Variants in ADGB observed in about 807,000 individuals in gnomAD.
ADGB encodes androglobin, also known as calpain-7-like protein.
ADGB carries 172 observed loss-of-function variants against 210.5 expected under a neutral mutation model. That is an observed-to-expected ratio of 0.82 (90% confidence interval 0.72 to 0.93). The LOEUF (loss-of-function observed/expected upper bound fraction) is 0.93. ADGB is among the 40% of genes least tolerant of loss of function. The probability of loss-of-function intolerance (pLI) is 0.00; values close to 1 mark genes in which losing one functional copy is unlikely to be tolerated. For missense variants in ADGB, 2,025 were observed against 1,964.8 expected, an observed-to-expected ratio of 1.03 and a Z score of -0.58; for synonymous variants, 658 against 662.7, an observed-to-expected ratio of 0.99 and a Z score of 0.11.
chr6:146,743,972 T>C (rs1777194063), intron 25 of ADGB, among the ~76,000 whole-genome samples: 1 of 152,126 alleles, frequency 6.6e-6, no homozygotes, highest in African/African-American at 2.4e-5. Context: ...GCTGTGTGAA[T>C]AGAAAAAGAG....
chr6:146,615,903 A>C (rs548959292), intron 1 of ADGB, among the ~76,000 whole-genome samples: 2 of 152,278 alleles, frequency 1.3e-5, no homozygotes, highest in African/African-American at 4.8e-5. Flanking sequence ...TGATATACTG[A>C]CTTCATTTCC....
intron 17 of ADGB, among the ~76,000 whole-genome samples, chr6:146,722,216 C>T (rs1299006442): frequency 5.9e-5 from 9 of 152,058 alleles, no homozygotes; most frequent in African/African-American, 1.9e-4. Flanking sequence ...TTTAAGTTTA[C>T]CAATTTGGGC....
intron 1 of ADGB, among the ~76,000 whole-genome samples, chr6:146,621,515 A>G (rs1222619441): frequency 6.6e-6 from 1 of 152,164 alleles, no homozygotes; most frequent in Non-Finnish European, 1.5e-5. Context: ...CCACAGGTCT[A>G]GAGAAATCCT....
intron 32 of ADGB, among the ~76,000 whole-genome samples, chr6:146,786,192 A>G (rs1227314581): frequency 6.8e-6 from 1 of 147,906 alleles, no homozygotes; most frequent in Non-Finnish European, 1.5e-5. Flanking sequence ...AGTATATATT[A>G]TATTATATAT....
chr6:146,628,100 T>G (rs918802084), intron 1 of ADGB, among the ~76,000 whole-genome samples: 1 of 152,242 alleles, frequency 6.6e-6, no homozygotes, highest in Non-Finnish European at 1.5e-5. Context: ...TTTTTAAATA[T>G]TAAGATGATA....
chr6:146,758,212 A>C (rs1274237590), intron 27 of ADGB, among the ~76,000 whole-genome samples: 1 of 152,054 alleles, frequency 6.6e-6, no homozygotes, highest in East Asian at 1.9e-4. Flanking sequence ...TTTATCAGAC[A>C]TGTTTTGTCA....
intron 27 of ADGB, 119 bp from the exon 28 acceptor site, chr6:146,763,782 T>C (rs1289896747): frequency 1.9e-5 from 18 of 939,916 alleles, no homozygotes; most frequent in Non-Finnish European, 2.6e-5. Context: ...TTTATCTCAC[T>C]AAAACAAAAG....
chr6:146,610,563 G>A (rs1206779061), intron 1 of ADGB, among the ~76,000 whole-genome samples: 3 of 152,156 alleles, frequency 2.0e-5, no homozygotes, highest in East Asian at 1.9e-4. Flanking sequence ...CATAGTATAA[G>A]TTGAATTTAG....
intron 35 of ADGB, chr6:146,803,780 C>T (rs1046595547): frequency 1.6e-6 from 1 of 617,188 alleles, no homozygotes; most frequent in African/African-American, 1.9e-5. Context: ...CAATCAGCGC[C>T]CGGCAGCCTA....
At chr6:146,630,662 A>G (rs1750042140) in intron 1 of ADGB, among the ~76,000 whole-genome samples, 1 of 152,198 alleles carries the variant, frequency 6.6e-6, no homozygotes. Context: ...AGTCTTAAAA[A>G]ATTGGAATCT....
chr6:146,644,355 T>A (rs1191369170), intron 2 of ADGB, among the ~76,000 whole-genome samples: 1 of 151,968 alleles, frequency 6.6e-6, no homozygotes, highest in East Asian at 1.9e-4. Flanking sequence ...TGTTTATGAT[T>A]CTTACAGTTG....
At chr6:146,649,297 T>C (rs1316375776) in intron 3 of ADGB, among the ~76,000 whole-genome samples, 1 of 151,848 alleles carries the variant, frequency 6.6e-6, no homozygotes, top group Non-Finnish European at 1.5e-5. Flanking sequence ...AACAACAATA[T>C]TAAGTTAGTC....
At chr6:146,694,270 C>G (rs1217699344) in intron 12 of ADGB, among the ~76,000 whole-genome samples, 2 of 152,158 alleles carry the variant, frequency 1.3e-5, no homozygotes, top group African/African-American at 4.8e-5. Context: ...AAATTTATCT[C>G]TCATACTTCT....
intron 12 of ADGB, among the ~76,000 whole-genome samples, chr6:146,695,733 A>T (rs1283080024): frequency 6.6e-6 from 1 of 152,036 alleles, no homozygotes; most frequent in African/African-American, 2.4e-5. Flanking sequence ...TATTAAAAGG[A>T]ATGAACAAGT....
chr6:146,698,557 A>G (rs1384176078), intron 12 of ADGB, among the ~76,000 whole-genome samples: 1 of 152,168 alleles, frequency 6.6e-6, no homozygotes, highest in African/African-American at 2.4e-5. Context: ...TGTATCGACA[A>G]CTGAACATTG....
chr6:146,629,914 G>C (rs1264279433), intron 1 of ADGB, among the ~76,000 whole-genome samples: 1 of 152,054 alleles, frequency 6.6e-6, no homozygotes, highest in African/African-American at 2.4e-5. Context: ...TATTTTAAAA[G>C]AATAACAATA....
intron 8 of ADGB, among the ~76,000 whole-genome samples, chr6:146,675,364 A>C (rs1022996594): frequency 3.3e-5 from 5 of 152,062 alleles, no homozygotes; most frequent in African/African-American, 9.7e-5. Context: ...AGTCCCAGCT[A>C]TTCAGGAGGC....
At chr6:146,758,237 T>C (rs1333462382) in intron 27 of ADGB, among the ~76,000 whole-genome samples, 1 of 152,078 alleles carries the variant, frequency 6.6e-6, no homozygotes, top group Non-Finnish European at 1.5e-5. Context: ...GAATGCTGTT[T>C]TTAACTCTTT....
chr6:146,782,181 T>C lies in ADGB; in HGVS notation c.4024T>C (p.Phe1342Leu). 1 of 1,533,824 alleles carries C rather than the reference T, an allele frequency of 6.5e-7. No individual in the cohort carries two copies. The change falls in exon 30 of 36, where the codon TTT (phenylalanine) becomes CTT (leucine). Residue 1342 changes from phenylalanine to leucine, a missense_variant. Physicochemically the swap from Phe to Leu is conservative, Grantham distance 22. Coordinates refer to ENST00000397944, the MANE Select transcript of ADGB (RefSeq NM_024694.4). ...AGCCAAAGAAAAACAAGCACCTCGC[T>C]TTGAGCCTCAGGTGGGTGTGGAATT... Reference protein sequence around the residue: ...KTAKEKQAPRFEPQISTVHPQ... With the variant: ...KTAKEKQAPRLEPQISTVHPQ...
Sources: allele counts gnomAD v4.1 joint callset (sites outside exome capture counted in the v4.1 genomes callset), GRCh38; gene constraint gnomAD v4.1.1; transcripts MANE v1.5; gene names NCBI Gene and HGNC (gene_info 2026-07-23, HGNC 2026-07-21).